The following HS3ST4 variants were observed in gnomAD, a reference collection of about 807,000 sequenced individuals.
HS3ST4 encodes heparan sulfate glucosamine 3-O-sulfotransferase 4.
In HS3ST4, 17 loss-of-function variants were observed where a neutral mutation model predicts 29.2. The ratio of observed to expected loss-of-function variants is 0.58; its 90% confidence interval spans 0.40 to 0.87. HS3ST4 has a LOEUF of 0.87. Ranked by LOEUF, HS3ST4 falls within the 40% of genes least tolerant of loss-of-function variation. The probability of loss-of-function intolerance (pLI) is 0.00; values close to 1 mark genes in which losing one functional copy is unlikely to be tolerated. For missense variants in HS3ST4, 627 were observed against 634.5 expected, an observed-to-expected ratio of 0.99 and a Z score of 0.13; for synonymous variants, 314 against 285.7, an observed-to-expected ratio of 1.10 and a Z score of -1.00.
intron 1 of HS3ST4, among the ~76,000 whole-genome samples, chr16:26,049,462 G>A (rs1211767050): frequency 2.2e-5 from 3 of 139,040 alleles, no homozygotes; most frequent in African/African-American, 9.4e-5. Context: ...AGTGGGGAAT[G>A]CGTGCCTCTG....
intron 1 of HS3ST4, among the ~76,000 whole-genome samples, chr16:25,846,009 A>G (rs1202718536): frequency 6.6e-6 from 1 of 152,202 alleles, no homozygotes; most frequent in Non-Finnish European, 1.5e-5. Context: ...CTGGATTAAC[A>G]GTGACTTAAA....
At chr16:25,738,775 C>G (rs1966630508) in intron 1 of HS3ST4, among the ~76,000 whole-genome samples, 1 of 152,148 alleles carries the variant, frequency 6.6e-6, no homozygotes, top group African/African-American at 2.4e-5. Context: ...CTCCCTCCAG[C>G]TCACCTCCCT....
At chr16:25,710,117 T>A (rs2055418551) in intron 1 of HS3ST4, among the ~76,000 whole-genome samples, 1 of 152,104 alleles carries the variant, frequency 6.6e-6, no homozygotes, top group Non-Finnish European at 1.5e-5. Context: ...AAGTGTGATT[T>A]AATTTTTTCT....
intron 1 of HS3ST4, among the ~76,000 whole-genome samples, chr16:25,895,023 A>G (rs930564871): frequency 6.6e-6 from 1 of 152,198 alleles, no homozygotes; most frequent in African/African-American, 2.4e-5. Flanking sequence ...ACAGATGAGA[A>G]AAATGGTAAT....
intron 1 of HS3ST4, among the ~76,000 whole-genome samples, chr16:25,872,298 C>G (rs1008288519): frequency 1.1e-4 from 16 of 152,040 alleles, no homozygotes; most frequent in Non-Finnish European, 1.5e-5. Context: ...TTCACTTAGT[C>G]TGCTGGAGTG....
intron 1 of HS3ST4, among the ~76,000 whole-genome samples, chr16:25,952,655 A>T (rs1384654796): frequency 6.6e-6 from 1 of 152,194 alleles, no homozygotes; most frequent in Non-Finnish European, 1.5e-5. Context: ...CATTATTAGT[A>T]GTATTGTTAT....
chr16:25,812,777 C>G (rs1013167228), intron 1 of HS3ST4, among the ~76,000 whole-genome samples: 1 of 151,758 alleles, frequency 6.6e-6, no homozygotes, highest in African/African-American at 2.4e-5. Context: ...TCATAGCTCA[C>G]TGCAGCCTCG....
intron 1 of HS3ST4, among the ~76,000 whole-genome samples, chr16:26,097,614 C>A (rs9745859): frequency 0.4 from 60,768 of 151,976 alleles, 12,436 homozygotes; most frequent in Middle Eastern, 0.45. Flanking sequence ...ATGTTAGACC[C>A]AAAACTGTAG....
chr16:25,889,034 T>C (rs920862875), intron 1 of HS3ST4, among the ~76,000 whole-genome samples: 2 of 152,210 alleles, frequency 1.3e-5, no homozygotes, highest in African/African-American at 2.4e-5. Flanking sequence ...TGGATTTCCA[T>C]TGACTGCTAT....
At chr16:25,842,514 T>C (rs1365166908) in intron 1 of HS3ST4, among the ~76,000 whole-genome samples, 1 of 152,242 alleles carries the variant, frequency 6.6e-6, no homozygotes, top group Non-Finnish European at 1.5e-5. Context: ...GCCTTTTTCA[T>C]CTTTTTCTTC....
chr16:25,998,281 G>A (rs565756727), intron 1 of HS3ST4, among the ~76,000 whole-genome samples: 7 of 151,900 alleles, frequency 4.6e-5, no homozygotes, highest in Non-Finnish European at 7.4e-5. Context: ...ACCCTGTCTC[G>A]AAAAAAATAT....
chr16:25,708,780 C>G (rs1196744290), intron 1 of HS3ST4, among the ~76,000 whole-genome samples: 1 of 152,110 alleles, frequency 6.6e-6, no homozygotes. Context: ...AAGTTCCTTC[C>G]TTCTTTTAGT....
chr16:25,888,414 A>G (rs1047451634), intron 1 of HS3ST4, among the ~76,000 whole-genome samples: 2 of 152,020 alleles, frequency 1.3e-5, no homozygotes, highest in Admixed American at 6.6e-5. Context: ...TCTTCTTGTG[A>G]TAAGATAGTT....
At chr16:26,014,157 G>A (rs1051075356) in intron 1 of HS3ST4, among the ~76,000 whole-genome samples, 1 of 151,894 alleles carries the variant, frequency 6.6e-6, no homozygotes, top group Non-Finnish European at 1.5e-5. Flanking sequence ...ATATGAAATA[G>A]TGGCATGATT....
In HS3ST4 at chr16:25,932,275, C is replaced by G. The variant is rs187942784; in HGVS notation, c.735-203337C>G. The stretch of plus-strand genomic sequence containing the variant: ...GCTGCAGTGAATTGTGATTGTGCCA[C>G]GGCACTGCAGCCTGGCTGCAGGGCA... On this transcript the variant is annotated intron_variant, in intron 1 of 1. Coordinates refer to ENST00000331351, the MANE Select transcript of HS3ST4 (RefSeq NM_006040.3). 1.0e-3 allele frequency among the ~76,000 whole-genome samples: 152 copies of G among 152,260 alleles called. 1 individual carries two copies. The highest frequency in any genetic ancestry group is 3.1e-3 in the Admixed American group (47 of 15,302).
At chr16:26,109,564 C>A (rs547527248) in intron 1 of HS3ST4, among the ~76,000 whole-genome samples, 1 of 152,080 alleles carries the variant, frequency 6.6e-6, no homozygotes, top group East Asian at 1.9e-4. Context: ...GCTCCTGCTC[C>A]CCCAGGCATG....
intron 1 of HS3ST4, among the ~76,000 whole-genome samples, chr16:25,959,803 A>T (rs1276423711): frequency 1.3e-5 from 2 of 151,960 alleles, no homozygotes; most frequent in Non-Finnish European, 2.9e-5. Context: ...CTTGGTAATG[A>T]GTGAGTTCTT....
At chr16:26,042,354 C>CTGTGTGTGTGTGTGTG (rs71732983) in intron 1 of HS3ST4, among the ~76,000 whole-genome samples, 45 of 148,546 alleles carry the variant, frequency 3.0e-4, no homozygotes, top group African/African-American at 1.1e-3. Context: ...GCATTTATCT[C>CTGTGTGTGTGTGTGTG]TGTGTGTGTG....
At chr16:26,059,213 A>C (rs1898446388) in intron 1 of HS3ST4, among the ~76,000 whole-genome samples, 1 of 152,096 alleles carries the variant, frequency 6.6e-6, no homozygotes, top group Non-Finnish European at 1.5e-5. Flanking sequence ...TCAAGGGTTC[A>C]GGGTGGCAAA....
Sources: allele counts gnomAD v4.1 joint callset (sites outside exome capture counted in the v4.1 genomes callset), GRCh38; gene constraint gnomAD v4.1.1; transcripts MANE v1.5; gene names NCBI Gene and HGNC (gene_info 2026-07-23, HGNC 2026-07-21).